The following ANK3 variants were observed in gnomAD, a reference collection of about 807,000 sequenced individuals.
ANK3 encodes ankyrin-3.
ANK3 carries 57 observed loss-of-function variants against 370.9 expected under a neutral mutation model. That is an observed-to-expected ratio of 0.15 (90% CI 0.12 to 0.19). The LOEUF is 0.19. Ranked by LOEUF, ANK3 falls within the 10% of genes least tolerant of loss-of-function variation. The pLI is 1.00. For missense variants in ANK3, 4,439 were observed against 5,302.1 expected (o/e 0.84, Z 5.06); for synonymous variants, 1,929 against 1,946.3 (o/e 0.99, Z 0.23).
At chr10:60,322,703 A>G (rs1168256212) in intron 1 of ANK3, among the ~76,000 whole-genome samples, 1 of 152,168 alleles carries the variant, frequency 6.6e-6, no homozygotes, top group African/African-American at 2.4e-5. Flanking sequence ...TGACAAACAA[A>G]ACAAATGAAC....
At chr10:60,679,516 C>G (rs1321900371) in intron 1 of ANK3, among the ~76,000 whole-genome samples, 1 of 152,054 alleles carries the variant, frequency 6.6e-6, no homozygotes, top group Non-Finnish European at 1.5e-5. Flanking sequence ...GCAGTTTAAC[C>G]AGTATATGAC....
In ANK3 at chr10:60,073,618, ATCT is replaced by A; in HGVS notation, c.7260_7262del (p.Glu2420del). The A allele has an allele frequency of 6.2e-7, 1 of 1,613,994 alleles. No homozygotes were observed. The highest frequency in any genetic ancestry group is 8.5e-7 in the Non-Finnish European group (1 of 1,179,972). ...TGAGTTGAGCAGAACTAGGGCGGCT[ATCT>A]TCTTCTTGGGACACAGGAGTGTTTA... On this transcript the variant is annotated inframe_deletion, in exon 37 of 44. Coordinates refer to ENST00000280772, the MANE Select transcript of ANK3 (RefSeq NM_020987.5).
chr10:60,207,997 A>G (rs1388269773), intron 10 of ANK3, 39 bp downstream of exon 10: 2 of 1,573,682 alleles, frequency 1.3e-6, no homozygotes, highest in Non-Finnish European at 1.7e-6. Flanking sequence ...CGTTGTGAGC[A>G]AGACAACTGA....
intron 1 of ANK3, among the ~76,000 whole-genome samples, chr10:60,695,387 T>C (rs2079430976): frequency 6.6e-6 from 1 of 152,146 alleles, no homozygotes; most frequent in South Asian, 2.1e-4. Context: ...AACTCAGCTC[T>C]GCACCAAGCA....
intron 1 of ANK3, among the ~76,000 whole-genome samples, chr10:60,325,793 G>A (rs2049710671): frequency 6.6e-6 from 1 of 152,150 alleles, no homozygotes; most frequent in Non-Finnish European, 1.5e-5. Flanking sequence ...ATACCCAAAG[G>A]AGTATAAATC....
intron 30 of ANK3, chr10:60,086,430 G>A: frequency 5.2e-6 from 2 of 381,680 alleles, no homozygotes; most frequent in Non-Finnish European, 9.3e-6. Flanking sequence ...AACCTTAATA[G>A]CAGGAAAGAT....
At chr10:60,370,464 A>G (rs2059961657) in intron 1 of ANK3, among the ~76,000 whole-genome samples, 1 of 152,194 alleles carries the variant, frequency 6.6e-6, no homozygotes, top group Admixed American at 6.5e-5. Context: ...GAAAAAATAT[A>G]TAAAAATCAC....
intron 1 of ANK3, among the ~76,000 whole-genome samples, chr10:60,641,717 T>A (rs1234098301): frequency 1.1e-3 from 172 of 151,460 alleles, no homozygotes; most frequent in Non-Finnish European, 1.7e-3. Flanking sequence ...AGACATAGGC[T>A]TGGGCAAGGA....
chr10:60,699,548 G>A (rs1489010954), intron 1 of ANK3, among the ~76,000 whole-genome samples: 1 of 151,926 alleles, frequency 6.6e-6, no homozygotes, highest in Non-Finnish European at 1.5e-5. Context: ...AGCACTTAAA[G>A]CCTATGTTCA....
chr10:60,331,549 T>TG (rs1303296134), intron 1 of ANK3, among the ~76,000 whole-genome samples: 2 of 149,902 alleles, frequency 1.3e-5, no homozygotes, highest in African/African-American at 4.9e-5. Context: ...GAAACCCCCC[T>TG]GTGAAGTTAA....
At chr10:60,280,623 G>A (rs1488090750) in intron 1 of ANK3, among the ~76,000 whole-genome samples, 2 of 152,204 alleles carry the variant, frequency 1.3e-5, no homozygotes, top group Admixed American at 6.5e-5. Context: ...CTGCAAAGCT[G>A]GGCCTGCAAA....
At chr10:60,386,051 T>C (rs951232178) in intron 1 of ANK3, among the ~76,000 whole-genome samples, 2 of 152,144 alleles carry the variant, frequency 1.3e-5, no homozygotes, top group African/African-American at 4.8e-5. Context: ...CAGCCCATCA[T>C]GGCTTTATGG....
chr10:60,267,456 CCAT>C (rs1167849919), intron 5 of ANK3, among the ~76,000 whole-genome samples: 2 of 152,092 alleles, frequency 1.3e-5, no homozygotes, highest in Non-Finnish European at 2.9e-5. Context: ...TTAATAGACA[CCAT>C]GTTTCTTGTT....
At position 60,354,459 on chromosome 10, in the gene ANK3, A is replaced by T. The variant is rs143719389; in HGVS notation, c.114+34966T>A. Reference sequence around the variant, plus strand: ...GTAGTAAACTGCTTTCATTACCACAAAAAAAGACAGATACTATCTTCAAAC... The same window carrying T: ...GTAGTAAACTGCTTTCATTACCACATAAAAAGACAGATACTATCTTCAAAC... On this transcript the variant is annotated intron_variant, in intron 1 of 43. Coordinates refer to ENST00000280772, the MANE Select transcript of ANK3 (RefSeq NM_020987.5). Among the ~76,000 whole-genome samples, 12 of 152,362 alleles carry T rather than the reference A, an allele frequency of 7.9e-5. No homozygotes were observed. The East Asian group carries it at 2.3e-3, about 29-fold the overall frequency.
intron 2 of ANK3, among the ~76,000 whole-genome samples, chr10:60,459,416 A>G (rs1308492436): frequency 6.6e-6 from 1 of 152,180 alleles, no homozygotes; most frequent in Non-Finnish European, 1.5e-5. Flanking sequence ...TGACAATCAC[A>G]TAATGGATGT....
intron 18 of ANK3, among the ~76,000 whole-genome samples, chr10:60,174,840 A>G (rs780431627): frequency 3.9e-5 from 6 of 151,950 alleles, no homozygotes; most frequent in Non-Finnish European, 8.8e-5. Context: ...GGCTCAATCT[A>G]TCTCAAGTAG....
intron 2 of ANK3, among the ~76,000 whole-genome samples, chr10:60,429,397 G>A (rs1041848606): frequency 6.6e-6 from 1 of 152,182 alleles, no homozygotes; most frequent in Non-Finnish European, 1.5e-5. Context: ...AGGGGGAAAA[G>A]AGGGTACACA....
At position 60,069,435 on chromosome 10, in the gene ANK3, A is replaced by C; in HGVS notation, c.11446T>G (p.Cys3816Gly). ...ACTGGGTTATCTTTCTCTGTGGTACAAGTGGGTGCAGAATGTTCTGTCAGA... is the reference window on the plus strand; with the variant it reads ...ACTGGGTTATCTTTCTCTGTGGTACCAGTGGGTGCAGAATGTTCTGTCAGA... ...IVLTEHSAPTCTTEKDNPVKV... is the reference protein window; with the variant it reads ...IVLTEHSAPTGTTEKDNPVKV... The change falls in exon 37 of 44, where the codon TGT becomes GGT. Residue 3816 changes from cysteine to glycine, a missense_variant. Around this residue, in one of 13 missense-constraint regions of ANK3, gnomAD observed 496 missense variants for 529.3 expected, o/e 0.94. Transcript: ENST00000280772. 6.2e-7 allele frequency: 1 copy of C among 1,614,046 alleles called. No homozygotes were observed. The highest frequency in any genetic ancestry group is 1.3e-5 in the African/African-American group (1 of 75,010).
intron 38 of ANK3, 31 bp downstream of exon 38, chr10:60,067,904 A>G: frequency 6.5e-7 from 1 of 1,536,292 alleles, no homozygotes; most frequent in South Asian, 1.2e-5. Context: ...GAAGAAACTA[A>G]TTTGTTCCAT....
Sources: gnomAD v4.1 joint callset for allele counts (sites outside exome capture counted in the v4.1 genomes callset) on GRCh38, gnomAD v4.1.1 for gene constraint, gnomAD v4.1.1 regional missense constraint, MANE v1.5 for transcripts, NCBI Gene and HGNC (gene_info 2026-07-23, HGNC 2026-07-21) for gene names.